The following ANKRD28 variants were observed in gnomAD, a reference collection of about 807,000 sequenced individuals.
The protein encoded by ANKRD28 is ankyrin repeat domain 28.
In ANKRD28, 44 loss-of-function variants were observed where a neutral mutation model predicts 126.5. That is an observed-to-expected ratio of 0.35 (90% CI 0.27 to 0.45). ANKRD28 has a LOEUF of 0.45. ANKRD28 is among the 20% of genes least tolerant of loss of function. ANKRD28 has a pLI of 1.00. For synonymous variants in ANKRD28, 442 were observed against 468.5 expected (o/e 0.94, Z 0.73); for missense variants, 1,110 against 1,316.6 (o/e 0.84, Z 2.43).
intron 3 of ANKRD28, among the ~76,000 whole-genome samples, chr3:15,764,202 G>A (rs2058631702): frequency 6.6e-6 from 1 of 152,216 alleles, no homozygotes; most frequent in African/African-American, 2.4e-5. Context: ...CTGGGCGACA[G>A]AGCGAGATTC....
Position 15,711,288 on chromosome 3 carries a change from T to C in ANKRD28, c.1274-14A>G, listed in dbSNP as rs2072236486. The C allele has an allele frequency of 1.3e-6, 2 of 1,593,000 alleles. No individual in the cohort carries two copies. Among genetic ancestry groups the C allele is most frequent in the African/African-American group, 1.3e-5 (1 of 74,366 alleles). ...CTATATCAAATCCTACAAGAATGAA[T>C]ACATCTTATTTATAACAGACATATT... On this transcript the variant is annotated splice_polypyrimidine_tract_variant and intron_variant, in intron 11 of 27. Transcript: ENST00000683139.
intron 13 of ANKRD28, among the ~76,000 whole-genome samples, 152 bp downstream of exon 13, chr3:15,709,516 T>G (rs1165767253): frequency 6.6e-6 from 1 of 152,200 alleles, no homozygotes; most frequent in East Asian, 1.9e-4. Flanking sequence ...AACGAATATT[T>G]GGAAGTTACT....
intron 6 of ANKRD28, among the ~76,000 whole-genome samples, chr3:15,727,566 A>AC (rs1289072780): frequency 1.1e-3 from 41 of 36,620 alleles, no homozygotes; most frequent in Non-Finnish European, 3.2e-3. Flanking sequence ...AACTCTGTCA[A>AC]AAAAAAAAAA....
chr3:15,772,458 A>G (rs984296253), intron 2 of ANKRD28, among the ~76,000 whole-genome samples: 1 of 152,210 alleles, frequency 6.6e-6, no homozygotes, highest in Non-Finnish European at 1.5e-5. Flanking sequence ...TCCCCCATCA[A>G]CAGAGACATA....
At chr3:15,709,406 G>C (rs539832019) in intron 13 of ANKRD28, among the ~76,000 whole-genome samples, 14 of 152,158 alleles carry the variant, frequency 9.2e-5, no homozygotes, top group South Asian at 6.2e-4. Flanking sequence ...ATTTTTGGAG[G>C]GGGGGAAGTG....
intron 4 of ANKRD28, among the ~76,000 whole-genome samples, chr3:15,745,517 TG>T (rs2057417445): frequency 6.6e-6 from 1 of 152,212 alleles, no homozygotes; most frequent in Non-Finnish European, 1.5e-5. Context: ...ATCAGTTGGC[TG>T]TAAGTATTTG....
Position 15,690,050 on chromosome 3 carries a change from G to A in ANKRD28, c.1932C>T (p.Tyr644=), listed in dbSNP as rs1346167255. 1.9e-6 allele frequency: 3 copies of A among 1,611,136 alleles called. No homozygotes were observed. Among genetic ancestry groups the A allele is most frequent in the Non-Finnish European group, 2.5e-6 (3 of 1,178,528 alleles). The change falls in exon 18 of 28, where the codon TAC becomes TAT. Residue 644 remains tyrosine (Y), a synonymous_variant. Transcript: ENST00000683139. ...NQGASILVKD[Y]ILKRTPIHAA... is the part of the protein sequence containing the mutation. ...CATGAATAGGTGTCCTCTTCAAAAT[G>A]TAATCTTTTACTAAGATTGAGGCTC...
chr3:15,671,578 G>GTT lies in ANKRD28; in HGVS notation c.2966-1024_2966-1023dup, dbSNP rs869032190. On this transcript the variant is annotated intron_variant, in intron 27 of 27. Transcript: ENST00000683139. Reference sequence around the variant, plus strand: ...TCAACTTGGAGTCATAAACACTATAGTTTTTTTTTTGTTTTTTTTTTTTTG... The same window carrying GTT: ...TCAACTTGGAGTCATAAACACTATAGTTTTTTTTTTTTGTTTTTTTTTTTTTG... 3.2e-3 allele frequency among the ~76,000 whole-genome samples: 451 copies of GTT among 141,266 alleles called. 16 individuals are homozygous for GTT. The highest frequency in any genetic ancestry group is 0.012 in the African/African-American group (433 of 36,764). 92.7% of individuals were successfully genotyped at this position (141,266 alleles called of 152,430 possible). A position where few individuals can be genotyped will look rare whatever the true frequency, so the allele number is the denominator to read the frequency against.
intron 26 of ANKRD28, chr3:15,676,689 A>G (rs535281912): frequency 7.5e-6 from 2 of 267,142 alleles, no homozygotes; most frequent in Non-Finnish European, 1.4e-5. Flanking sequence ...TTTCCACAGA[A>G]TACACAAAAT....
intron 2 of ANKRD28, among the ~76,000 whole-genome samples, chr3:15,784,910 T>C (rs1481404684): frequency 6.6e-6 from 1 of 152,030 alleles, no homozygotes; most frequent in Non-Finnish European, 1.5e-5. Context: ...AATATAACTA[T>C]TTTGGAACTC....
chr3:15,779,795 T>C (rs1300598237), intron 2 of ANKRD28, among the ~76,000 whole-genome samples: 1 of 152,216 alleles, frequency 6.6e-6, no homozygotes, highest in Non-Finnish European at 1.5e-5. Flanking sequence ...TATAATAATA[T>C]ATAAAAATAC....
At chr3:15,827,688 T>C (rs2125925459) in intron 1 of ANKRD28, among the ~76,000 whole-genome samples, 1 of 152,294 alleles carries the variant, frequency 6.6e-6, no homozygotes, top group Non-Finnish European at 1.5e-5. Context: ...TGGCAGTGAT[T>C]CCTTGGCTAT....
At chr3:15,786,533 T>G (rs1399580331) in intron 2 of ANKRD28, among the ~76,000 whole-genome samples, 3 of 152,066 alleles carry the variant, frequency 2.0e-5, no homozygotes, top group Non-Finnish European at 4.4e-5. Context: ...ATGTTAACTA[T>G]CTTGACTGTG....
In ANKRD28 at chr3:15,670,492, C is replaced by G. The variant is rs75898822; in HGVS notation, c.3030G>C (p.Leu1010Phe). The change falls in exon 28 of 28, where the codon TTG (leucine) becomes TTC (phenylalanine). Residue 1010 changes from leucine to phenylalanine, a missense_variant. Physicochemically the swap from Leu to Phe is conservative, Grantham distance 22. Transcript: ENST00000683139. ...KDVADCLALI[L>F]ATMMPVSSSS... ...TTGATGAGACAGGCATCATGGTGGC[C>G]AAAATGAGAGCCAGGCAATCAGCCA... The G allele has an allele frequency of 9.3e-6, 15 of 1,613,772 alleles. No individual in the cohort carries two copies. Among genetic ancestry groups the G allele is most frequent in the Non-Finnish European group, 1.3e-5 (15 of 1,179,824 alleles).
chr3:15,704,661 A>G (rs1189634029), intron 14 of ANKRD28, among the ~76,000 whole-genome samples: 3 of 152,154 alleles, frequency 2.0e-5, no homozygotes, highest in Admixed American at 2.0e-4. Context: ...ATTCCTGGGA[A>G]TACAATTACA....
intron 6 of ANKRD28, among the ~76,000 whole-genome samples, chr3:15,726,902 G>T (rs763666891): frequency 4.6e-5 from 7 of 152,214 alleles, no homozygotes; most frequent in Admixed American, 6.5e-5. Flanking sequence ...CATGAATTAT[G>T]CTAAATCCAC....
intron 6 of ANKRD28, among the ~76,000 whole-genome samples, chr3:15,729,575 A>G (rs916216302): frequency 3.3e-5 from 5 of 152,240 alleles, no homozygotes; most frequent in African/African-American, 4.8e-5. Flanking sequence ...ATAGAAAACA[A>G]GCATCCAAAA....
chr3:15,673,192 T>C (rs547984642), intron 27 of ANKRD28, among the ~76,000 whole-genome samples: 93 of 152,390 alleles, frequency 6.1e-4, no homozygotes, highest in South Asian at 2.5e-3. Flanking sequence ...TCTCTGATCC[T>C]GCAAGAAAGG....
intron 4 of ANKRD28, among the ~76,000 whole-genome samples, chr3:15,742,810 G>C (rs1229537350): frequency 6.8e-6 from 1 of 146,314 alleles, no homozygotes; most frequent in African/African-American, 2.5e-5. Context: ...GGGCGCCTCT[G>C]CCCGGCCGCC....
Sources: gnomAD v4.1 joint callset for allele counts (sites outside exome capture counted in the v4.1 genomes callset) on GRCh38, gnomAD v4.1.1 for gene constraint, MANE v1.5 for transcripts, NCBI Gene and HGNC (gene_info 2026-07-23, HGNC 2026-07-21) for gene names.